The following RBM25 variants were observed in gnomAD, a reference collection of about 807,000 sequenced individuals.
RBM25 encodes the protein RNA binding motif protein 25, also known as RNA-binding protein 25.
A neutral mutation model predicts 120.7 loss-of-function variants in RBM25; 19 were observed. The ratio of observed to expected loss-of-function variants is 0.16; its 90% CI spans 0.11 to 0.23. The LOEUF is 0.23. Ranked by LOEUF, RBM25 falls within the 10% of genes least tolerant of loss-of-function variation. The probability of loss-of-function intolerance (pLI) is 1.00; values close to 1 mark genes in which losing one functional copy is unlikely to be tolerated. For missense variants in RBM25, 605 were observed against 1,041.5 expected (o/e 0.58, Z 5.77); for synonymous variants, 390 against 326.7 (o/e 1.19, Z -2.09).
intron 1 of RBM25, chr14:73,068,537 A>G: frequency 1.3e-6 from 1 of 746,636 alleles, no homozygotes; most frequent in South Asian, 1.3e-5. Context: ...TTTTAACATT[A>G]GATGACCAAT....
chr14:73,099,167 G>A (rs1896010386), intron 7 of RBM25, among the ~76,000 whole-genome samples: 1 of 152,128 alleles, frequency 6.6e-6, no homozygotes, highest in South Asian at 2.1e-4. Flanking sequence ...CATTTCTTGG[G>A]GGTGTTGGAG....
At chr14:73,074,961 T>G (rs1566584542) in intron 2 of RBM25, among the ~76,000 whole-genome samples, 2 of 151,518 alleles carry the variant, frequency 1.3e-5, no homozygotes, top group African/African-American at 2.4e-5. Context: ...GGATTATGGG[T>G]GTGAGCTACC....
chr14:73,100,531 T>G, intron 9 of RBM25: 1 of 449,416 alleles, frequency 2.2e-6, no homozygotes, highest in Non-Finnish European at 4.0e-6. Flanking sequence ...TGTTCGCTGG[T>G]GTTGAAAATG....
intron 2 of RBM25, among the ~76,000 whole-genome samples, chr14:73,074,743 A>G (rs1248730117): frequency 1.3e-5 from 2 of 150,872 alleles, no homozygotes; most frequent in Non-Finnish European, 3.0e-5. Flanking sequence ...AGAGAGTCTC[A>G]CTCTGTCGCT....
chr14:73,086,308 C>T (rs942695063), intron 5 of RBM25, among the ~76,000 whole-genome samples: 10 of 151,726 alleles, frequency 6.6e-5, no homozygotes, highest in Non-Finnish European at 1.5e-4. Context: ...TGTGGTGGTG[C>T]GCTCCTTTAG....
At chr14:73,112,780 GTTTTGTTTTGTT>G in intron 17 of RBM25, among the ~76,000 whole-genome samples, 1 of 151,836 alleles carries the variant, frequency 6.6e-6, no homozygotes, top group Non-Finnish European at 1.5e-5. Flanking sequence ...TGTTTGTTTT[GTTTTGTTTTGTT>G]TTTTGTTTTT....
chr14:73,112,123 T>C (rs1207897880), intron 16 of RBM25, 29 bp from the exon 17 acceptor site: 3 of 1,553,954 alleles, frequency 1.9e-6, no homozygotes, highest in Admixed American at 3.9e-5. Context: ...TACAATTCTT[T>C]AATTCAGTAA....
chr14:73,105,218 C>T (rs1185970730), intron 10 of RBM25, among the ~76,000 whole-genome samples: 1 of 149,350 alleles, frequency 6.7e-6, no homozygotes, highest in Non-Finnish European at 1.5e-5. Context: ...TGGGATCTTC[C>T]CACATCAGCC....
intron 1 of RBM25, among the ~76,000 whole-genome samples, chr14:73,064,666 T>G (rs994821756): frequency 2.0e-5 from 3 of 151,328 alleles, no homozygotes; most frequent in African/African-American, 7.3e-5. Flanking sequence ...GTGCTGGGAT[T>G]ACAGATGTGA....
At chr14:73,094,811 GT>G (rs1490315056) in intron 6 of RBM25, among the ~76,000 whole-genome samples, 10 of 2,082 alleles carry the variant, frequency 4.8e-3, no homozygotes, top group East Asian at 0.1. Context: ...CAGGAGCGAG[GT>G]GTGTGTGTGT....
intron 13 of RBM25, among the ~76,000 whole-genome samples, chr14:73,108,890 C>G: frequency 6.6e-6 from 1 of 152,178 alleles, no homozygotes; most frequent in East Asian, 1.9e-4. Context: ...GAGAGAACCT[C>G]TGCTTTCTGT....
At chr14:73,092,748 T>TA (rs1158850885) in intron 6 of RBM25, among the ~76,000 whole-genome samples, 1 of 152,068 alleles carries the variant, frequency 6.6e-6, no homozygotes, top group Non-Finnish European at 1.5e-5. Flanking sequence ...TTCTTTTTTT[T>TA]ATGAGATGGG....
At chr14:73,094,825 G>A (rs1181537964) in intron 6 of RBM25, among the ~76,000 whole-genome samples, 1 of 134,556 alleles carries the variant, frequency 7.4e-6, no homozygotes, top group Admixed American at 7.2e-5. Flanking sequence ...GTGTGTGTGT[G>A]TGTGTGTGTG....
rs1390125286 is a variant in RBM25 at position 73,122,007 on chromosome 14, G to C, written c.*2202G>C. 2.0e-5 allele frequency: 3 copies of C among 152,188 alleles called. No individual in the cohort carries two copies. Among genetic ancestry groups the C allele is most frequent in the African/African-American group, 7.2e-5 (3 of 41,458 alleles). The allele number at this position is 152,188 out of a possible 1,614,324, so 9.4% of individuals were successfully genotyped here. Reference sequence around the variant, plus strand: ...TTAATGCCAGTTTAAATCATGTTTTGTAACCAAGCTTCAGTAAAAGGCTTT... The same window carrying C: ...TTAATGCCAGTTTAAATCATGTTTTCTAACCAAGCTTCAGTAAAAGGCTTT... On this transcript the variant is annotated 3_prime_UTR_variant, in exon 19 of 19. Coordinates refer to ENST00000261973, the MANE Select transcript of RBM25 (RefSeq NM_021239.3).
Position 73,071,606 on chromosome 14 carries a change from G to A in RBM25, c.-15-21G>A, listed in dbSNP as rs754553028. 7 of 1,490,636 alleles carry A rather than the reference G, an allele frequency of 4.7e-6. No homozygotes were observed. The Admixed American group carries it at 8.5e-5, about 18-fold the overall frequency. The allele number at this position is 1,490,636 out of a possible 1,614,324, so 92.3% of individuals were successfully genotyped here. A position where few individuals can be genotyped will look rare whatever the true frequency, so the allele number is the denominator to read the frequency against. ...GTGACGTTTTCAAATAAAATGATTT[G>A]TCATGTCCTTTTTTCTTTAGACTGC... On this transcript the variant is annotated intron_variant, in intron 1 of 18. Transcript: ENST00000261973.
chr14:73,107,799 T>G, intron 12 of RBM25, 27 bp from the exon 13 acceptor site: 1 of 1,487,170 alleles, frequency 6.7e-7, no homozygotes. Flanking sequence ...TATGTTAATT[T>G]TATACATTGT....
intron 6 of RBM25, among the ~76,000 whole-genome samples, chr14:73,096,251 A>T (rs1046429203): frequency 3.9e-5 from 6 of 152,166 alleles, no homozygotes; most frequent in Non-Finnish European, 5.9e-5. Flanking sequence ...TGCTGGGATT[A>T]CAGGAGTGAG....
At position 73,103,508 on chromosome 14, in the gene RBM25, G is replaced by A. The variant is rs1017202783; in HGVS notation, c.1154+30G>A. The A allele has an allele frequency of 2.0e-6, 3 of 1,537,842 alleles. No individual in the cohort carries two copies. In the African/African-American group the frequency reaches 4.2e-5, roughly 21 times the overall value. On this transcript the variant is annotated intron_variant, in intron 10 of 18. Transcript: ENST00000261973. ...GGCTTTACAGAAGTTACTGTTTCCT[G>A]ATAGCTTTAAGAAAACTATCGGGTA...
chr14:73,109,303 G>A (rs377276520), intron 13 of RBM25, 39 bp from the exon 14 acceptor site: 127 of 1,587,112 alleles, frequency 8.0e-5, no homozygotes, highest in East Asian at 1.6e-4. Flanking sequence ...CTCAATGATC[G>A]GAGTATTAAA....
Sources: allele counts gnomAD v4.1 joint callset (sites outside exome capture counted in the v4.1 genomes callset), GRCh38; gene constraint gnomAD v4.1.1; transcripts MANE v1.5; gene names NCBI Gene and HGNC (gene_info 2026-07-23, HGNC 2026-07-21).